The following ETV5 variants were observed in gnomAD, a reference collection of about 807,000 sequenced individuals.
ETV5 encodes the protein ETS translocation variant 5.
ETV5 carries 10 observed loss-of-function variants against 70.0 expected under a neutral mutation model. The ratio of observed to expected loss-of-function variants is 0.14; its 90% CI spans 0.09 to 0.24. The LOEUF is 0.24. Ranked by LOEUF, ETV5 falls within the 10% of genes least tolerant of loss-of-function variation. The probability of loss-of-function intolerance (pLI) is 1.00; values close to 1 mark genes in which losing one functional copy is unlikely to be tolerated. For missense variants in ETV5, 453 were observed against 651.2 expected (o/e 0.70, Z 3.31); for synonymous variants, 216 against 242.2 (o/e 0.89, Z 1.01).
chr3:186,077,057 T>C (rs1372400038), intron 7 of ETV5, among the ~76,000 whole-genome samples: 1 of 152,238 alleles, frequency 6.6e-6, no homozygotes, highest in Non-Finnish European at 1.5e-5. Flanking sequence ...TGTAGGACCC[T>C]GTATTTGGCT....
chr3:186,098,099 T>C (rs2150154087), intron 5 of ETV5, among the ~76,000 whole-genome samples: 1 of 152,358 alleles, frequency 6.6e-6, no homozygotes, highest in African/African-American at 2.4e-5. Context: ...TCTTGCCTGC[T>C]GTGCACCCTT....
Position 186,105,720 on chromosome 3 carries a change from A to G in ETV5, c.46-8T>C. On this transcript the variant is annotated splice_polypyrimidine_tract_variant and splice_region_variant and intron_variant, in intron 2 of 12. Transcript: ENST00000306376. This position sits in a 1 kb window ranked among gnomAD's most constrained non-coding sequence, Gnocchi z 4.5. ...TTCCTCAGATCGAGATTTCTGAAAG[A>G]GGCCAACAGAAAGTGAAGGCTCAAG... 6.2e-7 allele frequency: 1 copy of G among 1,614,162 alleles called. No individual in the cohort carries two copies. The highest frequency in any genetic ancestry group is 8.5e-7 in the Non-Finnish European group (1 of 1,180,008).
rs1414266441 is a variant in ETV5 at position 186,105,924 on chromosome 3, T to C, written c.-56A>G. ...AGAGGTTTCAGCATTGAGTAATTTC[T>C]GGGGGAAAAGGGATCCTCCTGTAAT... On this transcript the variant is annotated 5_prime_UTR_variant, in exon 2 of 13. Transcript: ENST00000306376. This position sits in a 1 kb window ranked among gnomAD's most constrained non-coding sequence, Gnocchi z 4.5. 2.5e-6 allele frequency: 4 copies of C among 1,600,468 alleles called. No individual in the cohort carries two copies. The Admixed American group carries it at 5.2e-5, about 21-fold the overall frequency.
chr3:186,093,650 G>T (rs1300834047), intron 5 of ETV5, among the ~76,000 whole-genome samples: 1 of 152,224 alleles, frequency 6.6e-6, no homozygotes, highest in Non-Finnish European at 1.5e-5. Flanking sequence ...TAACCCACAG[G>T]TTGGACAGTA....
intron 5 of ETV5, among the ~76,000 whole-genome samples, chr3:186,082,980 T>C (rs756763873): frequency 2.8e-4 from 42 of 152,264 alleles, no homozygotes; most frequent in Non-Finnish European, 4.3e-4. Flanking sequence ...AGTTGAGAAC[T>C]AGCAGATTAT....
intron 5 of ETV5, among the ~76,000 whole-genome samples, chr3:186,096,210 G>A (rs986981894): frequency 1.3e-5 from 2 of 152,074 alleles, no homozygotes; most frequent in Non-Finnish European, 2.9e-5. Flanking sequence ...TTTCTGAGTC[G>A]AGATATCCCT....
At position 186,105,008 on chromosome 3, in the gene ETV5, C is replaced by T; in HGVS notation, c.232+297G>A. The T allele has an allele frequency of 4.4e-6, 1 of 229,350 alleles. No homozygotes were observed. Among genetic ancestry groups the T allele is most frequent in the Non-Finnish European group, 8.5e-6 (1 of 117,968 alleles). The allele number at this position is 229,350 out of a possible 1,614,324, so 14.2% of individuals were successfully genotyped here. A position where few individuals can be genotyped will look rare whatever the true frequency, so the allele number is the denominator to read the frequency against. ...CCACCTGCCTCAGCCTCCCAAAGCC[C>T]TGGGATTATAGGTGTGAGCCACTGT... On this transcript the variant is annotated intron_variant, in intron 5 of 12. Transcript: ENST00000306376. This position sits in a 1 kb window ranked among gnomAD's most constrained non-coding sequence, Gnocchi z 4.5.
rs1713101357 is a variant in ETV5, at chr3:186,054,147, C to T, written c.1210-2016G>A. ...AGCCCTGTGATTCTGTAGCCCTCACCACGGCTGTTCCTTCTACAGTAATGC... is the reference window on the plus strand; with the variant it reads ...AGCCCTGTGATTCTGTAGCCCTCACTACGGCTGTTCCTTCTACAGTAATGC... On this transcript the variant is annotated intron_variant, in intron 11 of 12. Transcript: ENST00000306376. The surrounding 1 kb of genome is among the most constrained non-coding windows in gnomAD (Gnocchi z 4.4). 6.6e-6 allele frequency among the ~76,000 whole-genome samples: 1 copy of T among 152,226 alleles called. No homozygotes were observed.
At chr3:186,083,532 G>GT (rs1270582677) in intron 5 of ETV5, among the ~76,000 whole-genome samples, 1 of 152,160 alleles carries the variant, frequency 6.6e-6, no homozygotes, top group Admixed American at 6.5e-5. Context: ...GGAACTGCAC[G>GT]TATCTAAAAG....
Position 186,080,078 on chromosome 3 carries a change from C to A in ETV5, c.389G>T (p.Gly130Val). The A allele has an allele frequency of 6.7e-7, 1 of 1,502,124 alleles. No individual in the cohort carries two copies. Among genetic ancestry groups the A allele is most frequent in the Non-Finnish European group, 8.8e-7 (1 of 1,133,730 alleles). 93.0% of individuals were successfully genotyped at this position (1,502,124 alleles called of 1,614,324 possible). A position where few individuals can be genotyped will look rare whatever the true frequency, so the allele number is the denominator to read the frequency against. ...YCAYDRKPPS[G>V]FKPLTPPTTP... ...TGTAGGAGGGGTTAATGGCTTGAAC[C>A]CAGAGGGAGGCTTCCTATCATAGGC... Residue 130 changes from glycine to valine, a missense_variant, in exon 7 of 13, where the codon GGG becomes GTG. Gly to Val is a moderately radical substitution (Grantham distance 109, BLOSUM62 -3). This residue lies in a region of ETV5 where 307 missense variants were observed against 344.9 expected (regional missense o/e 0.89). Coordinates refer to ENST00000306376, the MANE Select transcript of ETV5 (RefSeq NM_004454.3).
At chr3:186,055,233 C>A (rs1713128789) in intron 11 of ETV5, among the ~76,000 whole-genome samples, 1 of 152,178 alleles carries the variant, frequency 6.6e-6, no homozygotes, top group Admixed American at 6.5e-5. Context: ...ATAATAAAAG[C>A]TCCTGTTTGT....
intron 5 of ETV5, among the ~76,000 whole-genome samples, chr3:186,082,775 A>G (rs1293001619): frequency 6.6e-6 from 1 of 152,218 alleles, no homozygotes; most frequent in Non-Finnish European, 1.5e-5. Context: ...CTTCCAGCCA[A>G]CTGGCCTCTC....
In ETV5 at chr3:186,078,155, G is replaced by A. The variant is rs536965840; in HGVS notation, c.650+1662C>T. On this transcript the variant is annotated intron_variant, in intron 7 of 12. Coordinates refer to ENST00000306376, the MANE Select transcript of ETV5 (RefSeq NM_004454.3). ...CTACCCATCTCCCAATTCTCCAGGA[G>A]AACTAGGATATTTGTCTCCCAACTC... 14 of 1,051,380 alleles carry A rather than the reference G, an allele frequency of 1.3e-5. No homozygotes were observed. The East Asian group carries it at 4.9e-4, about 37-fold the overall frequency. The allele number at this position is 1,051,380 out of a possible 1,614,324, so 65.1% of individuals were successfully genotyped here. A position where few individuals can be genotyped will look rare whatever the true frequency, so the allele number is the denominator to read the frequency against.
intron 9 of ETV5, 109 bp downstream of exon 9, chr3:186,064,308 A>G: frequency 1.9e-6 from 2 of 1,063,418 alleles, no homozygotes; most frequent in Non-Finnish European, 1.4e-6. Context: ...GGTATTAGTC[A>G]AGCAAAGAAA....
intron 5 of ETV5, among the ~76,000 whole-genome samples, chr3:186,099,996 T>C (rs1714411607): frequency 6.6e-6 from 1 of 152,202 alleles, no homozygotes; most frequent in Admixed American, 6.5e-5. Context: ...CGAAAGCAGA[T>C]TTTGTAAAAC....
rs1712905669 is a variant in ETV5, at chr3:186,047,386, AAAG to A, written c.*1250_*1252del. ...AGGTAGGGTTTAAAGTCCAAGATTT[AAAG>A]AAAAAGGAAAACAAAACAAACTGAT... On this transcript the variant is annotated 3_prime_UTR_variant, in exon 13 of 13. Transcript: ENST00000306376. The A allele has an allele frequency of 4.3e-6, 1 of 232,006 alleles. No individual in the cohort carries two copies. The highest frequency in any genetic ancestry group is 2.2e-5 in the African/African-American group (1 of 45,292). The allele number at this position is 232,006 out of a possible 1,614,324, so 14.4% of individuals were successfully genotyped here.
intron 7 of ETV5, among the ~76,000 whole-genome samples, chr3:186,067,463 T>C (rs1301402114): frequency 6.6e-6 from 1 of 151,956 alleles, no homozygotes; most frequent in Non-Finnish European, 1.5e-5. Context: ...CCTAAAAAAA[T>C]TAGCCAGGCG....
At chr3:186,083,723 G>C (rs1351075867) in intron 5 of ETV5, among the ~76,000 whole-genome samples, 2 of 152,160 alleles carry the variant, frequency 1.3e-5, no homozygotes, top group Non-Finnish European at 2.9e-5. Flanking sequence ...GTGAACAAAT[G>C]GATTATATTT....
intron 1 of ETV5, 190 bp downstream of exon 1, chr3:186,108,750 C>T (rs1714660057): frequency 2.1e-6 from 2 of 935,784 alleles, no homozygotes; most frequent in South Asian, 1.8e-5. Flanking sequence ...CCGCCCGACG[C>T]CTCCCAGGAA....
Sources: gnomAD v4.1 joint callset for allele counts (sites outside exome capture counted in the v4.1 genomes callset) on GRCh38, gnomAD v4.1.1 for gene constraint, gnomAD v4.1.1 regional missense constraint, Gnocchi (gnomAD v3.1) non-coding constraint, MANE v1.5 for transcripts, NCBI Gene and HGNC (gene_info 2026-07-23, HGNC 2026-07-21) for gene names.